The following UVRAG variants were observed in gnomAD, a reference collection of about 807,000 sequenced individuals.
UVRAG encodes the protein UV radiation resistance-associated gene protein.
UVRAG carries 19 observed loss-of-function variants against 78.0 expected under a neutral mutation model. That is an observed-to-expected ratio of 0.24 (90% CI 0.17 to 0.36). The LOEUF (loss-of-function observed/expected upper bound fraction) is 0.36. UVRAG is among the 10% of genes least tolerant of loss of function. UVRAG has a pLI of 1.00. For synonymous variants in UVRAG, 323 were observed against 324.6 expected, an observed-to-expected ratio of 1.00 and a Z score of 0.05; for missense variants, 740 against 853.8, an observed-to-expected ratio of 0.87 and a Z score of 1.66.
At chr11:76,105,586 A>G (rs1050870997) in intron 13 of UVRAG, among the ~76,000 whole-genome samples, 1 of 146,874 alleles carries the variant, frequency 6.8e-6, no homozygotes. Context: ...TGTCTCTACA[A>G]AAAAATACAA....
chr11:76,055,779 G>A (rs939536120), intron 12 of UVRAG, among the ~76,000 whole-genome samples: 3 of 151,782 alleles, frequency 2.0e-5, no homozygotes, highest in Non-Finnish European at 2.9e-5. Flanking sequence ...GCAGGATCTC[G>A]GCTCACTGCA....
intron 13 of UVRAG, among the ~76,000 whole-genome samples, chr11:76,100,296 A>C (rs180806944): frequency 6.6e-6 from 1 of 152,086 alleles, no homozygotes; most frequent in African/African-American, 2.4e-5. Flanking sequence ...AGTGTGTCCT[A>C]ATATGTTTAA....
chr11:76,048,186 A>T (rs961533273), intron 12 of UVRAG, among the ~76,000 whole-genome samples: 2 of 152,240 alleles, frequency 1.3e-5, no homozygotes, highest in African/African-American at 4.8e-5. Flanking sequence ...TTGGGCTTGA[A>T]AGCCTAGCCT....
intron 6 of UVRAG, among the ~76,000 whole-genome samples, chr11:75,949,714 T>TATATATAC (rs59607906): frequency 5.1e-5 from 7 of 136,870 alleles, no homozygotes; most frequent in African/African-American, 1.4e-4. Context: ...TATATATATA[T>TATATATAC]ACACACACAC....
intron 1 of UVRAG, among the ~76,000 whole-genome samples, chr11:75,833,788 A>G (rs1475199021): frequency 6.6e-6 from 1 of 152,240 alleles, no homozygotes; most frequent in African/African-American, 2.4e-5. Context: ...GGATTGGGCT[A>G]GTTATCTGCA....
At chr11:76,067,481 G>A (rs932915214) in intron 13 of UVRAG, among the ~76,000 whole-genome samples, 7 of 152,208 alleles carry the variant, frequency 4.6e-5, no homozygotes, top group Non-Finnish European at 8.8e-5. Context: ...CTGAGGCCAG[G>A]TGTGGTGGCT....
At chr11:75,944,676 T>C (rs1171056893) in intron 6 of UVRAG, among the ~76,000 whole-genome samples, 20 of 152,184 alleles carry the variant, frequency 1.3e-4, no homozygotes, top group African/African-American at 2.4e-5. Context: ...GAAAATTGAC[T>C]AAGTTAATGC....
intron 6 of UVRAG, among the ~76,000 whole-genome samples, chr11:75,951,129 C>T (rs1164232211): frequency 6.6e-6 from 1 of 152,068 alleles, no homozygotes; most frequent in East Asian, 1.9e-4. Context: ...ATTCCAGAGG[C>T]ACTGTAGTCT....
chr11:76,076,910 G>A lies in UVRAG; in HGVS notation c.1305+11122G>A, dbSNP rs554183787. ...TGTCCAACTGTGGTTCCAGCCACTT[G>A]GGAGGCTGAGATGGGAAAATCACCT... On this transcript the variant is annotated intron_variant, in intron 13 of 14. Transcript: ENST00000356136. 5.3e-5 allele frequency among the ~76,000 whole-genome samples: 8 copies of A among 150,912 alleles called. No individual in the cohort carries two copies. In the South Asian group the frequency reaches 1.5e-3, roughly 27 times the overall value.
At chr11:76,066,204 A>G (rs1331125568) in intron 13 of UVRAG, among the ~76,000 whole-genome samples, 1 of 152,096 alleles carries the variant, frequency 6.6e-6, no homozygotes, top group Non-Finnish European at 1.5e-5. Flanking sequence ...TCCTCACTTT[A>G]TTATTCAGGG....
chr11:75,940,487 A>G (rs1948463690), intron 6 of UVRAG, among the ~76,000 whole-genome samples: 1 of 152,174 alleles, frequency 6.6e-6, no homozygotes, highest in African/African-American at 2.4e-5. Flanking sequence ...AATTTAGCCC[A>G]GATTAATTTT....
intron 12 of UVRAG, among the ~76,000 whole-genome samples, chr11:76,030,739 A>G (rs995172075): frequency 2.6e-5 from 4 of 152,326 alleles, no homozygotes; most frequent in Middle Eastern, 3.4e-3. Flanking sequence ...GTGCTTGTAC[A>G]TGAAGCCCTC....
intron 12 of UVRAG, among the ~76,000 whole-genome samples, chr11:76,019,561 G>T (rs1950203699): frequency 6.6e-6 from 1 of 152,216 alleles, no homozygotes. Flanking sequence ...GGAACACTAA[G>T]CTCAGTAACA....
intron 5 of UVRAG, among the ~76,000 whole-genome samples, chr11:75,907,247 G>A (rs896248234): frequency 1.4e-4 from 22 of 152,200 alleles, no homozygotes; most frequent in African/African-American, 5.3e-4. Flanking sequence ...CAAATGTTGA[G>A]TAGAAGTGGT....
At chr11:76,140,058 T>TCTCTCTCC (rs1952679044) in intron 14 of UVRAG, among the ~76,000 whole-genome samples, 1 of 71,106 alleles carries the variant, frequency 1.4e-5, no homozygotes, top group African/African-American at 6.9e-5. Context: ...ACTCTCTCTC[T>TCTCTCTCC]CTCCCTCCCT....
At chr11:75,955,927 A>G (rs528472648) in intron 6 of UVRAG, among the ~76,000 whole-genome samples, 1 of 152,152 alleles carries the variant, frequency 6.6e-6, no homozygotes, top group Non-Finnish European at 1.5e-5. Context: ...CACCTCAGAT[A>G]GTTCCTTTGT....
intron 12 of UVRAG, among the ~76,000 whole-genome samples, chr11:76,043,317 G>C (rs1008947804): frequency 1.3e-5 from 2 of 152,068 alleles, no homozygotes; most frequent in African/African-American, 4.8e-5. Flanking sequence ...TTTAAGTTGA[G>C]GGGCAACTGG....
intron 14 of UVRAG, 29 bp downstream of exon 14, chr11:76,116,044 A>G (rs752567781): frequency 1.3e-5 from 20 of 1,596,148 alleles, no homozygotes; most frequent in Non-Finnish European, 1.7e-5. Flanking sequence ...GATAACCAGA[A>G]ACTGTAATGT....
At chr11:76,010,667 T>C (rs973522655) in intron 11 of UVRAG, among the ~76,000 whole-genome samples, 8 of 152,358 alleles carry the variant, frequency 5.3e-5, no homozygotes, top group Admixed American at 2.0e-4. Flanking sequence ...TCTATATCTG[T>C]AATTTCTTGT....
Sources: allele counts gnomAD v4.1 joint callset (sites outside exome capture counted in the v4.1 genomes callset), GRCh38; gene constraint gnomAD v4.1.1; transcripts MANE v1.5; gene names NCBI Gene and HGNC (gene_info 2026-07-23, HGNC 2026-07-21).